Variants in ZNF532 observed in about 807,000 individuals in gnomAD.
The protein encoded by ZNF532 is zinc finger protein 532.
A neutral mutation model predicts 89.3 loss-of-function variants in ZNF532; 22 were observed. The observed-to-expected ratio is 0.25, with a 90% CI of 0.18 to 0.35. The LOEUF (loss-of-function observed/expected upper bound fraction) is 0.35. ZNF532 is among the 10% of genes least tolerant of loss of function. The probability of loss-of-function intolerance (pLI) is 1.00; values close to 1 mark genes in which losing one functional copy is unlikely to be tolerated. For synonymous variants in ZNF532, 606 were observed against 649.6 expected (o/e 0.93, Z 1.02); for missense variants, 1,132 against 1,643.4 (o/e 0.69, Z 5.38).
At chr18:58,879,127 C>T (rs149914224) in intron 2 of ZNF532, among the ~76,000 whole-genome samples, 1 of 152,270 alleles carries the variant, frequency 6.6e-6, no homozygotes, top group Non-Finnish European at 1.5e-5. Flanking sequence ...GTGAAGGTGG[C>T]CAGTGGGGTT....
At chr18:58,977,475 A>G (rs2067191890) in intron 7 of ZNF532, 1 of 152,226 alleles carries the variant, frequency 6.6e-6, no homozygotes, top group South Asian at 2.1e-4. Flanking sequence ...GCTGCCGGCC[A>G]GACTCAGCCA....
chr18:58,884,424 C>T (rs1401369035), intron 2 of ZNF532, among the ~76,000 whole-genome samples: 1 of 152,196 alleles, frequency 6.6e-6, no homozygotes, highest in Non-Finnish European at 1.5e-5. Context: ...GAAGCAGCGA[C>T]TATTGCTGAT....
chr18:58,951,750 T>C (rs771575245), intron 6 of ZNF532, among the ~76,000 whole-genome samples: 6 of 146,002 alleles, frequency 4.1e-5, no homozygotes, highest in Non-Finnish European at 7.5e-5. Context: ...CCCGGGTTCA[T>C]GCCATTCTCC....
intron 3 of ZNF532, among the ~76,000 whole-genome samples, chr18:58,928,536 A>G (rs1431191764): frequency 3.3e-5 from 5 of 152,196 alleles, no homozygotes; most frequent in Non-Finnish European, 7.3e-5. Flanking sequence ...ACACTCTGGT[A>G]CACGATCTGG....
chr18:58,978,678 G>A (rs1338680143), intron 7 of ZNF532, among the ~76,000 whole-genome samples: 2 of 152,192 alleles, frequency 1.3e-5, no homozygotes, highest in East Asian at 1.9e-4. Context: ...TACAGGTTGA[G>A]TATCCCTGAG....
At chr18:58,889,390 T>C (rs79322014) in intron 2 of ZNF532, among the ~76,000 whole-genome samples, 12,895 of 152,256 alleles carry the variant, frequency 0.085, 1,067 homozygotes, top group East Asian at 0.4. Context: ...ATAACACATA[T>C]CCATGTACTT....
chr18:58,876,394 C>T (rs142843989), intron 2 of ZNF532, among the ~76,000 whole-genome samples: 56 of 152,288 alleles, frequency 3.7e-4, no homozygotes, highest in African/African-American at 1.3e-3. Flanking sequence ...TGGTCTCGGA[C>T]CTGCTTCCTC....
chr18:58,944,990 C>G (rs1295402791), intron 5 of ZNF532, among the ~76,000 whole-genome samples: 4 of 152,192 alleles, frequency 2.6e-5, no homozygotes, highest in Admixed American at 1.3e-4. Context: ...TGCAGCCCCC[C>G]AGTCAGGAAG....
chr18:58,948,058 C>T lies in ZNF532; in HGVS notation c.2706-9C>T. The T allele has an allele frequency of 6.2e-7, 1 of 1,605,902 alleles. No homozygotes were observed. ...ACTGACATGATCTCGCTGCACTCTT[C>T]TATTTTAGAATAATATATAAGTGTT... On this transcript the variant is annotated splice_polypyrimidine_tract_variant and intron_variant, in intron 5 of 9. Coordinates refer to ENST00000591808, the MANE Select transcript of ZNF532 (RefSeq NM_001375912.1).
intron 3 of ZNF532, among the ~76,000 whole-genome samples, chr18:58,932,145 G>T (rs1267381914): frequency 1.3e-5 from 2 of 152,134 alleles, no homozygotes; most frequent in Non-Finnish European, 1.5e-5. Flanking sequence ...AAGTATGAAA[G>T]CATTTTGATT....
intron 2 of ZNF532, among the ~76,000 whole-genome samples, chr18:58,876,855 A>G (rs957801295): frequency 6.6e-6 from 1 of 152,124 alleles, no homozygotes; most frequent in East Asian, 1.9e-4. Context: ...CTTGAGGCCA[A>G]GAGTTTGAGA....
intron 7 of ZNF532, chr18:58,964,306 T>C (rs987096972): frequency 6.6e-6 from 1 of 152,206 alleles, no homozygotes; most frequent in Non-Finnish European, 1.5e-5. Context: ...TTAGAACTTA[T>C]TTGTGATCTC....
intron 7 of ZNF532, among the ~76,000 whole-genome samples, chr18:58,955,625 AT>A (rs1485193926): frequency 6.6e-6 from 1 of 152,250 alleles, no homozygotes; most frequent in African/African-American, 2.4e-5. Flanking sequence ...CTTTGTGATT[AT>A]CCCAAATGGC....
intron 2 of ZNF532, among the ~76,000 whole-genome samples, chr18:58,874,353 A>T (rs200094045): frequency 6.6e-6 from 1 of 150,690 alleles, no homozygotes; most frequent in Non-Finnish European, 1.5e-5. Flanking sequence ...TTATTCTATT[A>T]TTTTTTTTGA....
intron 2 of ZNF532, among the ~76,000 whole-genome samples, chr18:58,889,903 G>A (rs554355480): frequency 6.6e-6 from 1 of 152,142 alleles, no homozygotes; most frequent in South Asian, 2.1e-4. Context: ...CCAACATGGT[G>A]AAACCCTGCC....
intron 7 of ZNF532, among the ~76,000 whole-genome samples, chr18:58,964,799 AGTTGTCTTTGTT>A (rs1568437898): frequency 2.6e-5 from 4 of 151,360 alleles, no homozygotes; most frequent in African/African-American, 9.7e-5. Context: ...GGGTAGAGGG[AGTTGTCTTTGTT>A]GCCCAGGCTT....
At chr18:58,932,804 G>A (rs536926296) in intron 3 of ZNF532, among the ~76,000 whole-genome samples, 2 of 152,004 alleles carry the variant, frequency 1.3e-5, no homozygotes, top group East Asian at 3.9e-4. Flanking sequence ...GGTAGGATGG[G>A]ACCAATCTAT....
intron 2 of ZNF532, among the ~76,000 whole-genome samples, chr18:58,908,983 C>T (rs896688272): frequency 6.6e-6 from 1 of 152,070 alleles, no homozygotes; most frequent in Non-Finnish European, 1.5e-5. Flanking sequence ...GATGGAGTTT[C>T]GCTCTTGTCC....
At chr18:58,898,764 G>C (rs1453760309) in intron 2 of ZNF532, among the ~76,000 whole-genome samples, 1 of 152,190 alleles carries the variant, frequency 6.6e-6, no homozygotes, top group Non-Finnish European at 1.5e-5. Flanking sequence ...TGTACCATCT[G>C]TGCTGGGGAA....
Sources: allele counts gnomAD v4.1 joint callset (sites outside exome capture counted in the v4.1 genomes callset), GRCh38; gene constraint gnomAD v4.1.1; transcripts MANE v1.5; gene names NCBI Gene and HGNC (gene_info 2026-07-23, HGNC 2026-07-21).